The following TRAF3IP1 variants were observed in gnomAD, a reference collection of about 807,000 sequenced individuals.
TRAF3IP1 encodes intraflagellar transport 54, also known as TRAF3-interacting protein 1.
In TRAF3IP1, 53 loss-of-function variants were observed where a neutral mutation model predicts 89.9. That is an observed-to-expected ratio of 0.59 (90% CI 0.47 to 0.74). The LOEUF (loss-of-function observed/expected upper bound fraction) is 0.74, where lower values mean the gene tolerates loss of function less well. TRAF3IP1 is among the 30% of genes least tolerant of loss of function. TRAF3IP1 has a pLI of 0.00. For synonymous variants in TRAF3IP1, 311 were observed against 322.1 expected (o/e 0.97, Z 0.37); for missense variants, 806 against 866.1 (o/e 0.93, Z 0.87).
At chr2:238,389,424 T>G (rs1431706333) in intron 15 of TRAF3IP1, among the ~76,000 whole-genome samples, 2 of 152,054 alleles carry the variant, frequency 1.3e-5, no homozygotes, top group African/African-American at 4.8e-5. Flanking sequence ...CCATCTTCAT[T>G]TTTTAAATTT....
At chr2:238,325,236 G>T in intron 1 of TRAF3IP1, 70 bp from the exon 2 acceptor site, 1 of 1,442,466 alleles carries the variant, frequency 6.9e-7, no homozygotes, top group Non-Finnish European at 9.8e-7. Context: ...CAAGTGTGGA[G>T]TTGAGTGGAT....
chr2:238,373,569 T>C (rs1363089922), intron 15 of TRAF3IP1, among the ~76,000 whole-genome samples: 2 of 152,242 alleles, frequency 1.3e-5, no homozygotes, highest in African/African-American at 4.8e-5. Context: ...GGTAGCGTGA[T>C]GCCTCCAGCT....
chr2:238,374,173 TA>T (rs1337200727), intron 15 of TRAF3IP1, among the ~76,000 whole-genome samples: 1 of 152,224 alleles, frequency 6.6e-6, no homozygotes, highest in Non-Finnish European at 1.5e-5. Flanking sequence ...CTGTGTTGAA[TA>T]GGAGTGGTGA....
intron 1 of TRAF3IP1, among the ~76,000 whole-genome samples, chr2:238,323,763 G>A (rs1287343355): frequency 6.6e-6 from 1 of 152,210 alleles, no homozygotes; most frequent in Non-Finnish European, 1.5e-5. Flanking sequence ...AATGCTTGTT[G>A]CTACAAATTG....
rs1430683281 is a variant in TRAF3IP1, at chr2:238,328,826, A to G, written c.495A>G (p.Thr165=). Residue 165 remains threonine, a synonymous_variant, in exon 4 of 17, where the codon ACA becomes ACG. Transcript: ENST00000373327. ...REEESRVHKN[T]EDRGDAEIKE... ...AAGAGTCCAGAGTTCACAAAAATACAGAGGTGAATTCCAAGTCGCACATCT... is the reference window on the plus strand; with the variant it reads ...AAGAGTCCAGAGTTCACAAAAATACGGAGGTGAATTCCAAGTCGCACATCT... The G allele has an allele frequency of 4.3e-6, 7 of 1,610,652 alleles. No homozygotes were observed. The highest frequency in any genetic ancestry group is 5.9e-6 in the Non-Finnish European group (7 of 1,178,470).
chr2:238,368,769 C>T (rs1314566879), intron 15 of TRAF3IP1, among the ~76,000 whole-genome samples: 2 of 152,090 alleles, frequency 1.3e-5, no homozygotes, highest in African/African-American at 4.8e-5. Context: ...CTCCCAGGTT[C>T]AAGTGATTTT....
intron 3 of TRAF3IP1, among the ~76,000 whole-genome samples, chr2:238,327,430 T>C (rs1043839128): frequency 5.3e-5 from 8 of 152,210 alleles, no homozygotes; most frequent in Non-Finnish European, 8.8e-5. Flanking sequence ...TCACGCAGCA[T>C]GTGCTTGTGG....
At chr2:238,384,647 T>C (rs1700691084) in intron 15 of TRAF3IP1, among the ~76,000 whole-genome samples, 1 of 150,732 alleles carries the variant, frequency 6.6e-6, no homozygotes, top group South Asian at 2.1e-4. Context: ...CCTCCCAAAG[T>C]GCTGGGATTA....
chr2:238,379,205 C>T lies in TRAF3IP1; in HGVS notation c.1690-18254C>T, dbSNP rs1700447858. ...GGTCTCTCGGGCCGGACAACCCCCACCCCATTTAAGTCCCTGCCCACGAGT... is the reference window on the plus strand; with the variant it reads ...GGTCTCTCGGGCCGGACAACCCCCATCCCATTTAAGTCCCTGCCCACGAGT... On this transcript the variant is annotated intron_variant, in intron 15 of 16. Coordinates refer to ENST00000373327, the MANE Select transcript of TRAF3IP1 (RefSeq NM_015650.4). This position sits in a 1 kb window ranked among gnomAD's most constrained non-coding sequence, Gnocchi z 4.0. 6.6e-6 allele frequency among the ~76,000 whole-genome samples: 1 copy of T among 152,228 alleles called. No individual in the cohort carries two copies. Among genetic ancestry groups the T allele is most frequent in the Non-Finnish European group, 1.5e-5 (1 of 68,042 alleles).
At chr2:238,362,234 C>G (rs1410238502) in intron 15 of TRAF3IP1, among the ~76,000 whole-genome samples, 1 of 152,084 alleles carries the variant, frequency 6.6e-6, no homozygotes, top group East Asian at 1.9e-4. Flanking sequence ...ATGTTATTAG[C>G]TGTCCTTTCA....
intron 15 of TRAF3IP1, among the ~76,000 whole-genome samples, chr2:238,383,443 GTCA>G (rs1700630985): frequency 1.3e-5 from 2 of 152,190 alleles, no homozygotes; most frequent in South Asian, 4.1e-4. Context: ...GAGTCTGTCA[GTCA>G]TCATCCAACA....
At position 238,370,364 on chromosome 2, in the gene TRAF3IP1, G is replaced by A. The variant is rs537298477; in HGVS notation, c.1689+14284G>A. Among the ~76,000 whole-genome samples the A allele has an allele frequency of 3.3e-5, 5 of 152,242 alleles. No homozygotes were observed. In the South Asian group the frequency reaches 1.0e-3, roughly 32 times the overall value. On this transcript the variant is annotated intron_variant, in intron 15 of 16. Coordinates refer to ENST00000373327, the MANE Select transcript of TRAF3IP1 (RefSeq NM_015650.4). Reference sequence around the variant, plus strand: ...TGTGTGCGTGTCTGAGTGTATACATGTATACGTGTGCATGTCTGCATGCAT... The same window carrying A: ...TGTGTGCGTGTCTGAGTGTATACATATATACGTGTGCATGTCTGCATGCAT...
rs187985420 is a variant in TRAF3IP1 at position 238,352,961 on chromosome 2, C to G, written c.1575+11C>G. ...TCAGAAATTGAAATGGTTAGTTAAC[C>G]GAAATATGATGTTTTTTAATAATAA... is the stretch of plus-strand genomic sequence containing the variant. On this transcript the variant is annotated intron_variant, in intron 13 of 16. Coordinates refer to ENST00000373327, the MANE Select transcript of TRAF3IP1 (RefSeq NM_015650.4). 1 of 1,602,098 alleles carries G rather than the reference C, an allele frequency of 6.2e-7. No individual in the cohort carries two copies. Among genetic ancestry groups the G allele is most frequent in the Admixed American group, 1.8e-5 (1 of 57,086 alleles).
At chr2:238,343,805 C>A (rs753691226) in intron 8 of TRAF3IP1, among the ~76,000 whole-genome samples, 1 of 151,920 alleles carries the variant, frequency 6.6e-6, no homozygotes, top group African/African-American at 2.4e-5. Flanking sequence ...GTGTGTGTAA[C>A]CATGCTTGGC....
At chr2:238,389,450 T>A (rs1309471260) in intron 15 of TRAF3IP1, among the ~76,000 whole-genome samples, 1 of 152,086 alleles carries the variant, frequency 6.6e-6, no homozygotes, top group Non-Finnish European at 1.5e-5. Context: ...TAAGATATTT[T>A]AAAAATAATA....
chr2:238,360,886 A>G (rs182358571), intron 15 of TRAF3IP1, among the ~76,000 whole-genome samples: 1 of 151,656 alleles, frequency 6.6e-6, no homozygotes, highest in Non-Finnish European at 1.5e-5. Flanking sequence ...TCTCAAAAAA[A>G]TTTTTTTTCA....
intron 15 of TRAF3IP1, among the ~76,000 whole-genome samples, chr2:238,388,665 T>C (rs1256055851): frequency 6.9e-6 from 1 of 145,858 alleles, no homozygotes. Context: ...TGGCGTGATC[T>C]CAGCTCACTA....
intron 15 of TRAF3IP1, among the ~76,000 whole-genome samples, chr2:238,377,904 C>T (rs1317717537): frequency 6.6e-6 from 1 of 152,024 alleles, no homozygotes; most frequent in Non-Finnish European, 1.5e-5. Flanking sequence ...AATGTGTTTT[C>T]GAGTCCATTT....
chr2:238,392,112 G>A (rs1032501050), intron 15 of TRAF3IP1, among the ~76,000 whole-genome samples: 9 of 152,206 alleles, frequency 5.9e-5, no homozygotes, highest in Admixed American at 3.3e-4. Flanking sequence ...GCACGTGCCT[G>A]TAGCCCCAGC....
Sources: gnomAD v4.1 joint callset for allele counts (sites outside exome capture counted in the v4.1 genomes callset) on GRCh38, gnomAD v4.1.1 for gene constraint, Gnocchi (gnomAD v3.1) non-coding constraint, MANE v1.5 for transcripts, NCBI Gene and HGNC (gene_info 2026-07-23, HGNC 2026-07-21) for gene names.